The following RIMS1 variants were observed in gnomAD, a reference collection of about 807,000 sequenced individuals.
The protein encoded by RIMS1 is regulating synaptic membrane exocytosis 1, also known as regulating synaptic membrane exocytosis protein 1.
In RIMS1, 83 loss-of-function variants were observed where a neutral mutation model predicts 214.1. That is an observed-to-expected ratio of 0.39 (90% confidence interval 0.32 to 0.47). RIMS1 has a LOEUF of 0.47. RIMS1 is among the 20% of genes least tolerant of loss of function. The pLI is 0.99. For missense variants in RIMS1, 2,050 were observed against 2,161.8 expected, an observed-to-expected ratio of 0.95 and a Z score of 1.03; for synonymous variants, 793 against 786.8, an observed-to-expected ratio of 1.01 and a Z score of -0.13.
chr6:72,044,036 T>C (rs1307229743), intron 2 of RIMS1, among the ~76,000 whole-genome samples: 1 of 151,574 alleles, frequency 6.6e-6, no homozygotes, highest in Non-Finnish European at 1.5e-5. Context: ...TATTAAAGGA[T>C]TTATTAAAAA....
chr6:72,339,530 A>C (rs1594301515), intron 29 of RIMS1, among the ~76,000 whole-genome samples: 1 of 151,030 alleles, frequency 6.6e-6, no homozygotes, highest in Non-Finnish European at 1.5e-5. Context: ...GAGAACATGC[A>C]GTGTTTGGTT....
intron 2 of RIMS1, among the ~76,000 whole-genome samples, chr6:72,016,514 G>A (rs1054513002): frequency 1.5e-4 from 23 of 152,140 alleles, no homozygotes; most frequent in African/African-American, 5.3e-4. Flanking sequence ...AGTGAAAATA[G>A]CATAAAACAT....
chr6:72,037,820 T>A lies in RIMS1; in HGVS notation c.246-59129T>A, dbSNP rs185780920. Among the ~76,000 whole-genome samples the A allele has an allele frequency of 4.0e-4, 61 of 151,916 alleles. No individual in the cohort carries two copies. The East Asian group carries it at 9.7e-3, about 24-fold the overall frequency. On this transcript the variant is annotated intron_variant, in intron 2 of 33. Transcript: ENST00000521978. ...CCTCACTCTTCCTATTTTTGGTTGATTTGAGAGACATCAATTGCCTCAAAT... is the reference window on the plus strand; with the variant it reads ...CCTCACTCTTCCTATTTTTGGTTGAATTGAGAGACATCAATTGCCTCAAAT...
At chr6:71,976,334 T>G (rs1797127128) in intron 2 of RIMS1, among the ~76,000 whole-genome samples, 1 of 152,152 alleles carries the variant, frequency 6.6e-6, no homozygotes, top group South Asian at 2.1e-4. Context: ...CATGGGCTTA[T>G]TGGCTATTTC....
At chr6:72,347,218 A>G (rs1237509084) in intron 29 of RIMS1, among the ~76,000 whole-genome samples, 2 of 151,834 alleles carry the variant, frequency 1.3e-5, no homozygotes, top group African/African-American at 4.8e-5. Flanking sequence ...CTGTTTACAT[A>G]AAGTAGTAAA....
At chr6:72,179,547 T>A (rs2048166396) in intron 4 of RIMS1, 28 bp from the exon 5 acceptor site, 6 of 1,547,878 alleles carry the variant, frequency 3.9e-6, no homozygotes, top group African/African-American at 1.4e-5. Flanking sequence ...GGCATAAAAA[T>A]TTATATTGTT....
At chr6:71,999,637 A>C (rs927151882) in intron 2 of RIMS1, among the ~76,000 whole-genome samples, 1 of 152,152 alleles carries the variant, frequency 6.6e-6, no homozygotes, top group African/African-American at 2.4e-5. Context: ...TGAGGTAAGA[A>C]GGTGTAATTC....
chr6:72,332,171 A>G (rs2096683043), intron 28 of RIMS1, among the ~76,000 whole-genome samples: 1 of 151,838 alleles, frequency 6.6e-6, no homozygotes, highest in Non-Finnish European at 1.5e-5. Context: ...ACTGTTAAAG[A>G]TGCTATATCA....
intron 31 of RIMS1, among the ~76,000 whole-genome samples, chr6:72,395,133 T>C (rs939812960): frequency 3.3e-5 from 5 of 152,022 alleles, no homozygotes; most frequent in African/African-American, 1.2e-4. Context: ...AAAAATCTTT[T>C]GTAAGAGAGG....
intron 2 of RIMS1, 89 bp downstream of exon 2, chr6:71,969,152 G>GCC: frequency 8.1e-7 from 1 of 1,234,386 alleles, no homozygotes; most frequent in Non-Finnish European, 1.2e-6. Context: ...TGTGAGAGTA[G>GCC]ATACTCTGGC....
intron 6 of RIMS1, chr6:72,212,801 G>A (rs1396972611): frequency 1.9e-6 from 2 of 1,033,808 alleles, no homozygotes; most frequent in Non-Finnish European, 2.3e-6. Context: ...ATGCCAATAT[G>A]CTTCTCCTCA....
intron 24 of RIMS1, 72 bp from the exon 25 acceptor site, chr6:72,290,607 G>A: frequency 7.3e-7 from 1 of 1,362,238 alleles, no homozygotes; most frequent in South Asian, 1.4e-5. Flanking sequence ...GGTTTTCCTT[G>A]GACAAATGTG....
intron 27 of RIMS1, among the ~76,000 whole-genome samples, chr6:72,309,749 T>C (rs904892528): frequency 2.0e-5 from 3 of 152,042 alleles, no homozygotes; most frequent in Admixed American, 6.6e-5. Flanking sequence ...ATCAAAGATA[T>C]GGTAGCTTTA....
intron 6 of RIMS1, among the ~76,000 whole-genome samples, chr6:72,202,254 C>T (rs1468373338): frequency 6.6e-6 from 1 of 152,146 alleles, no homozygotes; most frequent in Non-Finnish European, 1.5e-5. Flanking sequence ...TCCTAAACAA[C>T]AGGAATTTAT....
intron 6 of RIMS1, among the ~76,000 whole-genome samples, chr6:72,199,701 T>A (rs1197616283): frequency 2.0e-5 from 3 of 152,102 alleles, no homozygotes; most frequent in Non-Finnish European, 4.4e-5. Context: ...TTAAGTATGT[T>A]TAAATATAGA....
Position 72,250,310 on chromosome 6 carries a change from C to A in RIMS1, c.2242-20C>A. ...TGCCTCATGATTTTTACAAATAATT[C>A]CTTTCCTCATTGCTCCTAGGTGAAG... is the stretch of plus-strand genomic sequence containing the variant. On this transcript the variant is annotated intron_variant, in intron 12 of 33. Transcript: ENST00000521978. 2 of 1,586,402 alleles carry A rather than the reference C, an allele frequency of 1.3e-6. No individual in the cohort carries two copies. Among genetic ancestry groups the A allele is most frequent in the Non-Finnish European group, 1.7e-6 (2 of 1,170,128 alleles).
rs746893761 is a variant in RIMS1 at position 72,392,704 on chromosome 6, A to G, written c.4512A>G (p.Ile1504Met). ...INSYSSEGNL[I>M]FPGVRLGADS... Reference sequence around the variant, plus strand: ...TTTATCCTTTTGCTGATAGTTTAATATTTCCTGGAGTGCGACTGGGAGCTG... The same window carrying G: ...TTTATCCTTTTGCTGATAGTTTAATGTTTCCTGGAGTGCGACTGGGAGCTG... Residue 1504 changes from isoleucine to methionine, a missense_variant, in exon 31 of 34, where the codon ATA becomes ATG. Ile to Met is a conservative substitution (Grantham distance 10). This residue lies in a region of RIMS1 where 121 missense variants were observed against 187.3 expected (regional missense o/e 0.65). Transcript: ENST00000521978. 29 of 1,608,026 alleles carry G rather than the reference A, an allele frequency of 1.8e-5. No homozygotes were observed. Among genetic ancestry groups the G allele is most frequent in the African/African-American group, 2.7e-5 (2 of 74,810 alleles).
chr6:72,252,452 A>G (rs922356538), intron 15 of RIMS1, among the ~76,000 whole-genome samples: 23 of 152,248 alleles, frequency 1.5e-4, no homozygotes, highest in African/African-American at 5.1e-4. Flanking sequence ...GTAGAAAACA[A>G]TGTACTGTAT....
intron 1 of RIMS1, among the ~76,000 whole-genome samples, chr6:71,939,123 G>T (rs375534966): frequency 8.1e-4 from 123 of 152,276 alleles, no homozygotes; most frequent in African/African-American, 2.8e-3. Context: ...TGTGGACACA[G>T]TTATGCCAAA....
Sources: gnomAD v4.1 joint callset for allele counts (sites outside exome capture counted in the v4.1 genomes callset) on GRCh38, gnomAD v4.1.1 for gene constraint, gnomAD v4.1.1 regional missense constraint, MANE v1.5 for transcripts, NCBI Gene and HGNC (gene_info 2026-07-23, HGNC 2026-07-21) for gene names.